HPS3: variants seen among roughly 807,000 people sequenced by gnomAD.
HPS3 encodes the protein HPS3 biogenesis of lysosomal organelles complex 2 subunit 1.
In HPS3, 79 loss-of-function variants were observed where a neutral mutation model predicts 110.9. The observed-to-expected ratio is 0.71, with a 90% CI of 0.59 to 0.86. The LOEUF is 0.86. HPS3 is among the 40% of genes least tolerant of loss of function. The pLI is 0.00. For synonymous variants in HPS3, 428 were observed against 451.0 expected (o/e 0.95, Z 0.65); for missense variants, 1,197 against 1,206.2 (o/e 0.99, Z 0.11).
At position 149,134,303 on chromosome 3, in the gene HPS3, A is replaced by T. The variant is rs187522215; in HGVS notation, c.217+4363A>T. On this transcript the variant is annotated intron_variant, in intron 1 of 16. Transcript: ENST00000296051. Reference sequence around the variant, plus strand: ...CTCTACGTCACTCCTTTTAAGGCATAAGAGTTCTCACTTTCAAGAGTTCTA... The same window carrying T: ...CTCTACGTCACTCCTTTTAAGGCATTAGAGTTCTCACTTTCAAGAGTTCTA... 1.3e-3 allele frequency among the ~76,000 whole-genome samples: 204 copies of T among 152,328 alleles called. 2 individuals carry two copies. Among genetic ancestry groups the T allele is most frequent in the Admixed American group, 0.012 (187 of 15,300 alleles).
intron 14 of HPS3, 114 bp from the exon 15 acceptor site, chr3:149,166,920 C>G (rs879249563): frequency 6.1e-6 from 5 of 814,062 alleles, no homozygotes; most frequent in South Asian, 4.1e-5. Flanking sequence ...ATATGGCATT[C>G]TTTCTATTTT....
chr3:149,170,893 T>A (rs1425440309), intron 16 of HPS3, among the ~76,000 whole-genome samples: 1 of 152,208 alleles, frequency 6.6e-6, no homozygotes, highest in Admixed American at 6.5e-5. Context: ...GTCACCCTTC[T>A]ATTCCGGGAG....
chr3:149,139,428 T>G (rs959429110), intron 1 of HPS3, among the ~76,000 whole-genome samples: 39 of 152,178 alleles, frequency 2.6e-4, no homozygotes, highest in African/African-American at 9.2e-4. Flanking sequence ...TGCTTTTCAT[T>G]TTGCATCTCT....
intron 13 of HPS3, among the ~76,000 whole-genome samples, chr3:149,163,504 T>C (rs1324154424): frequency 1.3e-5 from 2 of 152,224 alleles, no homozygotes; most frequent in African/African-American, 4.8e-5. Flanking sequence ...TTATGAAAGA[T>C]ATTTTGCCTT....
Position 149,172,383 on chromosome 3 carries a change from C to T in HPS3, c.*161C>T. ...ATATGATACAAATGCTTTCAGGCTG[C>T]TTACCTTACCGTGTAGTGGTAACTA... On this transcript the variant is annotated 3_prime_UTR_variant, in exon 17 of 17. Coordinates refer to ENST00000296051, the MANE Select transcript of HPS3 (RefSeq NM_032383.5). 1.7e-6 allele frequency: 1 copy of T among 603,382 alleles called. No individual in the cohort carries two copies. The highest frequency in any genetic ancestry group is 2.9e-6 in the Non-Finnish European group (1 of 339,330). 37.4% of individuals were successfully genotyped at this position (603,382 alleles called of 1,614,324 possible).
chr3:149,135,298 C>T (rs184418900), intron 1 of HPS3, among the ~76,000 whole-genome samples: 1 of 152,202 alleles, frequency 6.6e-6, no homozygotes, highest in African/African-American at 2.4e-5. Context: ...GTGTGTGATA[C>T]GGTTTGGCTG....
chr3:149,163,625 A>G (rs763092725), intron 13 of HPS3, among the ~76,000 whole-genome samples: 2 of 152,166 alleles, frequency 1.3e-5, no homozygotes, highest in Non-Finnish European at 2.9e-5. Flanking sequence ...GAGTATTTAC[A>G]TTTTAAAATA....
At chr3:149,170,714 T>G (rs1031422324) in intron 16 of HPS3, 2 of 152,164 alleles carry the variant, frequency 1.3e-5, no homozygotes, top group African/African-American at 4.8e-5. Flanking sequence ...AAAGAAAAAT[T>G]TAGGTTGCTG....
Position 149,160,127 on chromosome 3 carries a change from A to G in HPS3, c.1954A>G (p.Lys652Glu). 6.2e-7 allele frequency: 1 copy of G among 1,613,916 alleles called. No homozygotes were observed. The highest frequency in any genetic ancestry group is 8.5e-7 in the Non-Finnish European group (1 of 1,179,816). ...VPHILCSPSM[K>E]NINPLTAMSY... is the part of the protein sequence containing the mutation. ...CCATATTCTCTGTAGTCCTTCTATG[A>G]AGAATATTAATCCTTTAACTGCCAT... The change falls in exon 11 of 17, where the codon AAG becomes GAG. Residue 652 changes from lysine to glutamate, a missense_variant. Coordinates refer to ENST00000296051, the MANE Select transcript of HPS3 (RefSeq NM_032383.5).
chr3:149,143,415 A>C (rs1486341192), intron 4 of HPS3, among the ~76,000 whole-genome samples: 1 of 152,150 alleles, frequency 6.6e-6, no homozygotes, highest in African/African-American at 2.4e-5. Context: ...CTGACCTCTC[A>C]ATTTAAAATA....
rs550994283 is a variant in HPS3, at chr3:149,147,698, G to T, written c.1163+2152G>T. Among the ~76,000 whole-genome samples the T allele has an allele frequency of 1.2e-3, 186 of 151,882 alleles. 1 individual carries two copies. Among genetic ancestry groups the T allele is most frequent in the African/African-American group, 4.3e-3 (179 of 41,388 alleles). ...GAGCCCTGAAAGCATTATATTATGG[G>T]TTTGAATGGACTTGTAATGCGTGGG... is the stretch of plus-strand genomic sequence containing the variant. On this transcript the variant is annotated intron_variant, in intron 5 of 16. Coordinates refer to ENST00000296051, the MANE Select transcript of HPS3 (RefSeq NM_032383.5).
Position 149,153,832 on chromosome 3 carries a change from C to G in HPS3, c.1400+184C>G. The G allele has an allele frequency of 1.3e-5, 8 of 633,464 alleles. No individual in the cohort carries two copies. In the South Asian group the frequency reaches 1.6e-4, roughly 12 times the overall value. 39.2% of individuals were successfully genotyped at this position (633,464 alleles called of 1,614,324 possible). ...CTCTGTAATACACTTTATAACTGAC[C>G]TGGAAACTTTTAGGAGAAAATGGAT... On this transcript the variant is annotated intron_variant, in intron 7 of 16. Coordinates refer to ENST00000296051, the MANE Select transcript of HPS3 (RefSeq NM_032383.5).
chr3:149,156,024 A>T (rs190041909), intron 8 of HPS3, among the ~76,000 whole-genome samples: 5 of 152,130 alleles, frequency 3.3e-5, no homozygotes, highest in African/African-American at 1.2e-4. Context: ...ACACAGCAAG[A>T]CCCTGACTCT....
At position 149,167,127 on chromosome 3, in the gene HPS3, G is replaced by T. The variant is rs1443164383; in HGVS notation, c.2683G>T (p.Val895Phe). ...CACTATTGCCGGCCTCAGTGTCCAT[G>T]TTCTGTGTCGTACACGCTTGAAAGA... Reference protein sequence around the residue: ...EDTIAGLSVHVLCRTRLKEYE... With the variant: ...EDTIAGLSVHFLCRTRLKEYE... The change falls in exon 15 of 17, where the codon GTT (valine) becomes TTT (phenylalanine). Residue 895 changes from valine to phenylalanine, a missense_variant. By Grantham distance (50) the Val-to-Phe change is conservative. Coordinates refer to ENST00000296051, the MANE Select transcript of HPS3 (RefSeq NM_032383.5). 1 of 1,613,710 alleles carries T rather than the reference G, an allele frequency of 6.2e-7. No individual in the cohort carries two copies.
At chr3:149,149,219 T>C (rs924700875) in intron 5 of HPS3, among the ~76,000 whole-genome samples, 6 of 151,342 alleles carry the variant, frequency 4.0e-5, no homozygotes, top group Admixed American at 2.6e-4. Flanking sequence ...TGTCTCGGCC[T>C]CCCAAAATGC....
intron 1 of HPS3, among the ~76,000 whole-genome samples, chr3:149,131,780 T>C (rs1197832486): frequency 6.6e-6 from 1 of 152,248 alleles, no homozygotes; most frequent in Non-Finnish European, 1.5e-5. Flanking sequence ...TGAGATAGGC[T>C]GCACGGTAGG....
intron 16 of HPS3, among the ~76,000 whole-genome samples, chr3:149,169,982 G>A (rs562670381): frequency 1.4e-4 from 21 of 152,242 alleles, no homozygotes; most frequent in African/African-American, 4.8e-4. Context: ...GGTGAGTGGA[G>A]TAGAGCAAGT....
rs1013653282 is a variant in HPS3, at chr3:149,130,171, A to G, written c.217+231A>G. On this transcript the variant is annotated intron_variant, in intron 1 of 16. Transcript: ENST00000296051. ...TGCTTCTGTCGGGGCGGAGACGCTGACATCTCTTCGTCTTGGTTTTCTGCA... is the reference window on the plus strand; with the variant it reads ...TGCTTCTGTCGGGGCGGAGACGCTGGCATCTCTTCGTCTTGGTTTTCTGCA... 2.4e-5 allele frequency: 14 copies of G among 577,200 alleles called. No individual in the cohort carries two copies. In the Middle Eastern group the frequency reaches 2.3e-3, roughly 93 times the overall value. 35.8% of individuals were successfully genotyped at this position (577,200 alleles called of 1,614,324 possible).
At chr3:149,160,997 G>C (rs1723766804) in intron 11 of HPS3, among the ~76,000 whole-genome samples, 1 of 152,200 alleles carries the variant, frequency 6.6e-6, no homozygotes, top group African/African-American at 2.4e-5. Context: ...AGCCAGAATT[G>C]AATCGGGCAG....
Sources: allele counts gnomAD v4.1 joint callset (sites outside exome capture counted in the v4.1 genomes callset), GRCh38; gene constraint gnomAD v4.1.1; transcripts MANE v1.5; gene names NCBI Gene and HGNC (gene_info 2026-07-23, HGNC 2026-07-21).